MACROD2: variants seen among roughly 807,000 people sequenced by gnomAD.
The protein encoded by MACROD2 is mono-ADP ribosylhydrolase 2.
MACROD2 carries 36 observed loss-of-function variants against 70.4 expected under a neutral mutation model. The ratio of observed to expected loss-of-function variants is 0.51; its 90% confidence interval spans 0.39 to 0.68. The LOEUF (loss-of-function observed/expected upper bound fraction) is 0.68, where lower values mean the gene tolerates loss of function less well. Ranked by LOEUF, MACROD2 falls within the 30% of genes least tolerant of loss-of-function variation. The probability of loss-of-function intolerance (pLI) is 0.00; values close to 1 mark genes in which losing one functional copy is unlikely to be tolerated. For missense variants in MACROD2, 496 were observed against 538.4 expected (o/e 0.92, Z 0.78); for synonymous variants, 172 against 178.8 (o/e 0.96, Z 0.30).
rs1262093098 is a variant in MACROD2, at chr20:15,772,095, A to ATAT, written c.646-90650_646-90649insTAT. ...GTGAGACTCGGTCTCAAAAAAAAAA[A>ATAT]AAAAAAATATATATATATATATATA... On this transcript the variant is annotated intron_variant, in intron 8 of 17. Coordinates refer to ENST00000684519, the MANE Select transcript of MACROD2 (RefSeq NM_001351661.2). Among the ~76,000 whole-genome samples the ATAT allele has an allele frequency of 6.2e-4, 58 of 94,274 alleles. No individual in the cohort carries two copies. The South Asian group carries it at 9.4e-3, about 15-fold the overall frequency. The allele number at this position is 94,274 out of a possible 152,430, so 61.8% of individuals were successfully genotyped here.
intron 4 of MACROD2, among the ~76,000 whole-genome samples, chr20:14,592,519 G>A (rs1981843571): frequency 6.6e-6 from 1 of 152,134 alleles, no homozygotes; most frequent in South Asian, 2.1e-4. Flanking sequence ...GACCTCCTGG[G>A]CTCAAGTGAT....
At position 15,576,552 on chromosome 20, in the gene MACROD2, GT is replaced by G. The variant is rs11473854; in HGVS notation, c.645+76717del. ...ACTAACTTTGTTTTCTGCACAAAAT[GT>G]TTTTTTTTTTTCTTCCCAGAGGTTG... On this transcript the variant is annotated intron_variant, in intron 8 of 17. Transcript: ENST00000684519. 5.2e-4 allele frequency among the ~76,000 whole-genome samples: 76 copies of G among 145,788 alleles called. No homozygotes were observed. The South Asian group carries it at 7.6e-3, about 15-fold the overall frequency.
At chr20:14,413,564 A>G (rs2083772228) in intron 3 of MACROD2, among the ~76,000 whole-genome samples, 1 of 152,188 alleles carries the variant, frequency 6.6e-6, no homozygotes, top group African/African-American at 2.4e-5. Context: ...ATAATCAGGT[A>G]TAAGTGTATT....
chr20:15,378,394 T>TG (rs2045595088), intron 6 of MACROD2, among the ~76,000 whole-genome samples: 2 of 148,044 alleles, frequency 1.4e-5, no homozygotes, highest in South Asian at 4.3e-4. Context: ...GCTGGAATGG[T>TG]GGGGGAAGAG....
chr20:15,268,114 GAGAGAGGAAGAGAA>G (rs1162109485), intron 6 of MACROD2, among the ~76,000 whole-genome samples: 8 of 152,268 alleles, frequency 5.3e-5, no homozygotes, highest in African/African-American at 1.9e-4. Context: ...TTCAAGAGAG[GAGAGAGGAAGAGAA>G]AGAGAGGAAG....
chr20:14,764,061 A>G (rs79998576), intron 5 of MACROD2, among the ~76,000 whole-genome samples: 1,980 of 152,022 alleles, frequency 0.013, 50 homozygotes, highest in African/African-American at 0.045. Context: ...TCCTATGTCT[A>G]TCTATGTCCC....
At chr20:15,652,366 ATTCTT>A (rs1353527403) in intron 8 of MACROD2, among the ~76,000 whole-genome samples, 3 of 152,176 alleles carry the variant, frequency 2.0e-5, no homozygotes, top group Admixed American at 6.5e-5. Flanking sequence ...TTACAAGTTA[ATTCTT>A]TTCATCTTTC....
At chr20:15,361,724 A>T (rs1206310788) in intron 6 of MACROD2, among the ~76,000 whole-genome samples, 1 of 151,124 alleles carries the variant, frequency 6.6e-6, no homozygotes, top group African/African-American at 2.4e-5. Flanking sequence ...ATATTCTTTG[A>T]TTTTTTTTCA....
rs1194238862 is a variant in MACROD2 at position 14,750,708 on chromosome 20, A to G, written c.418+65749A>G. Among the ~76,000 whole-genome samples the G allele has an allele frequency of 3.9e-5, 4 of 101,436 alleles. No individual in the cohort carries two copies. The East Asian group carries it at 7.2e-4, about 18-fold the overall frequency. The allele number at this position is 101,436 out of a possible 152,430, so 66.5% of individuals were successfully genotyped here. A position where few individuals can be genotyped will look rare whatever the true frequency, so the allele number is the denominator to read the frequency against. On this transcript the variant is annotated intron_variant, in intron 5 of 17. Coordinates refer to ENST00000684519, the MANE Select transcript of MACROD2 (RefSeq NM_001351661.2). Reference sequence around the variant, plus strand: ...CTCCTGGGCTCAAGTGATCTACCCAACTCAGCCTCCCAAATGCTGGGATTA... The same window carrying G: ...CTCCTGGGCTCAAGTGATCTACCCAGCTCAGCCTCCCAAATGCTGGGATTA...
chr20:14,410,070 G>C (rs546076930), intron 3 of MACROD2, among the ~76,000 whole-genome samples: 21 of 152,126 alleles, frequency 1.4e-4, no homozygotes, highest in Non-Finnish European at 3.1e-4. Context: ...TTGGGGAGTT[G>C]AAACCCAGGA....
intron 5 of MACROD2, among the ~76,000 whole-genome samples, chr20:14,732,394 A>G (rs1449170835): frequency 6.6e-6 from 1 of 152,068 alleles, no homozygotes; most frequent in African/African-American, 2.4e-5. Context: ...TTCAACCTTG[A>G]ACTGTTGTTT....
At chr20:15,305,381 A>G (rs1246335057) in intron 6 of MACROD2, among the ~76,000 whole-genome samples, 1 of 152,180 alleles carries the variant, frequency 6.6e-6, no homozygotes, top group Non-Finnish European at 1.5e-5. Flanking sequence ...TCTGGTTATA[A>G]TTATATTATG....
intron 8 of MACROD2, among the ~76,000 whole-genome samples, chr20:15,715,469 A>T (rs2050695494): frequency 6.6e-6 from 1 of 152,206 alleles, no homozygotes; most frequent in Non-Finnish European, 1.5e-5. Context: ...ACATCATTTT[A>T]TGTGTGTATG....
chr20:15,661,392 A>G (rs1032227022), intron 8 of MACROD2, among the ~76,000 whole-genome samples: 2 of 152,190 alleles, frequency 1.3e-5, no homozygotes, highest in Non-Finnish European at 2.9e-5. Context: ...TTACAGGGGA[A>G]GCAGGCATAT....
intron 6 of MACROD2, among the ~76,000 whole-genome samples, chr20:15,409,627 C>T (rs1326763068): frequency 6.6e-6 from 1 of 152,134 alleles, no homozygotes; most frequent in Admixed American, 6.5e-5. Flanking sequence ...CTAGGATGCA[C>T]TGATAGGAAA....
intron 12 of MACROD2, among the ~76,000 whole-genome samples, chr20:15,947,391 T>C (rs1429507794): frequency 6.6e-6 from 1 of 152,094 alleles, no homozygotes; most frequent in African/African-American, 2.4e-5. Context: ...GCCCCTGGTT[T>C]ATTGAGACTG....
At chr20:14,772,119 T>C (rs909845876) in intron 5 of MACROD2, among the ~76,000 whole-genome samples, 9 of 152,100 alleles carry the variant, frequency 5.9e-5, no homozygotes, top group Middle Eastern at 3.2e-3. Context: ...ATCTTTAGAC[T>C]GTTAAAAATT....
intron 8 of MACROD2, among the ~76,000 whole-genome samples, chr20:15,701,691 G>T (rs955241709): frequency 6.6e-6 from 1 of 152,060 alleles, no homozygotes; most frequent in Admixed American, 6.6e-5. Context: ...TAGATTCAGG[G>T]CGTACATATG....
Position 14,320,785 on chromosome 20 carries a change from T to C in MACROD2, c.272-172694T>C, listed in dbSNP as rs569277452. 5.3e-5 allele frequency among the ~76,000 whole-genome samples: 8 copies of C among 150,462 alleles called. No homozygotes were observed. In the South Asian group the frequency reaches 1.7e-3, roughly 32 times the overall value. Reference sequence around the variant, plus strand: ...CCAATAAAACCTCTTAATAAAAACCTCCCTCAGGTGATTCTGACCAAGGCC... The same window carrying C: ...CCAATAAAACCTCTTAATAAAAACCCCCCTCAGGTGATTCTGACCAAGGCC... On this transcript the variant is annotated intron_variant, in intron 3 of 17. Transcript: ENST00000684519.
Sources: gnomAD v4.1 joint callset for allele counts (sites outside exome capture counted in the v4.1 genomes callset) on GRCh38, gnomAD v4.1.1 for gene constraint, MANE v1.5 for transcripts, NCBI Gene and HGNC (gene_info 2026-07-23, HGNC 2026-07-21) for gene names.